CFAP20DC: variants seen among roughly 807,000 people sequenced by gnomAD.
CFAP20DC encodes the protein protein CFAP20DC.
CFAP20DC carries 84 observed loss-of-function variants against 101.7 expected under a neutral mutation model. The ratio of observed to expected loss-of-function variants is 0.83; its 90% confidence interval spans 0.69 to 0.99. The LOEUF is 0.99. CFAP20DC is among the 50% of genes least tolerant of loss of function. The pLI is 0.00. For missense variants in CFAP20DC, 1,007 were observed against 970.3 expected (o/e 1.04, Z -0.50); for synonymous variants, 359 against 351.2 (o/e 1.02, Z -0.25).
At chr3:58,753,116 T>G (rs2068691473) in intron 16 of CFAP20DC, among the ~76,000 whole-genome samples, 1 of 152,208 alleles carries the variant, frequency 6.6e-6, no homozygotes, top group Non-Finnish European at 1.5e-5. Flanking sequence ...AACCAGAAAC[T>G]AATGGTTCAT....
At position 58,811,147 on chromosome 3, in the gene CFAP20DC, G is replaced by T. The variant is rs567204425; in HGVS notation, c.2176-4691C>A. ...ATACTGCCCAAGGTAATTTATAGAT[G>T]CAATGCCATCCCCATCAAGCTACCA... is the stretch of plus-strand genomic sequence containing the variant. On this transcript the variant is annotated intron_variant, in intron 14 of 16. Transcript: ENST00000482387. 3.4e-4 allele frequency among the ~76,000 whole-genome samples: 51 copies of T among 152,038 alleles called. No individual in the cohort carries two copies. The East Asian group carries it at 4.1e-3, about 12-fold the overall frequency.
chr3:59,029,527 C>T (rs1256534477), intron 4 of CFAP20DC, among the ~76,000 whole-genome samples: 1 of 151,982 alleles, frequency 6.6e-6, no homozygotes, highest in Non-Finnish European at 1.5e-5. Flanking sequence ...AGAGACTTCA[C>T]CTGGTGCGTG....
intron 14 of CFAP20DC, among the ~76,000 whole-genome samples, chr3:58,820,910 T>C (rs2075586165): frequency 6.6e-6 from 1 of 150,376 alleles, no homozygotes; most frequent in African/African-American, 2.5e-5. Context: ...AAGGCTACAG[T>C]AACCAAAACA....
chr3:59,026,388 A>G (rs937517083), intron 4 of CFAP20DC, among the ~76,000 whole-genome samples: 15 of 152,208 alleles, frequency 9.9e-5, no homozygotes, highest in Admixed American at 5.2e-4. Flanking sequence ...ATAACATAAT[A>G]ATTCTTTGCA....
intron 5 of CFAP20DC, among the ~76,000 whole-genome samples, chr3:58,930,728 T>C (rs2086526407): frequency 6.6e-6 from 1 of 152,214 alleles, no homozygotes; most frequent in African/African-American, 2.4e-5. Flanking sequence ...ATTACACTGG[T>C]TTTCCACTTA....
intron 4 of CFAP20DC, among the ~76,000 whole-genome samples, chr3:59,019,799 T>A (rs1048220455): frequency 6.6e-6 from 1 of 152,082 alleles, no homozygotes; most frequent in African/African-American, 2.4e-5. Context: ...CAAAGGGTAG[T>A]TTGGGGATAG....
rs1404790300 is a variant in CFAP20DC at position 59,001,315 on chromosome 3, A to G, written c.278+38242T>C. ...CTATAGGACTGTATAGATCACCAAGAAGGCATACCACTAGAGGAAAGGGGG... is the reference window on the plus strand; with the variant it reads ...CTATAGGACTGTATAGATCACCAAGGAGGCATACCACTAGAGGAAAGGGGG... On this transcript the variant is annotated intron_variant, in intron 4 of 16. Coordinates refer to ENST00000482387, the MANE Select transcript of CFAP20DC (RefSeq NM_001394063.1). The surrounding 1 kb of genome is among the most constrained non-coding windows in gnomAD (Gnocchi z 4.5). Among the ~76,000 whole-genome samples the G allele has an allele frequency of 7.2e-5, 11 of 152,140 alleles. No individual in the cohort carries two copies. The highest frequency in any genetic ancestry group is 7.2e-4 in the Admixed American group (11 of 15,280).
chr3:58,836,115 T>G (rs978025533), intron 13 of CFAP20DC, among the ~76,000 whole-genome samples: 2 of 152,094 alleles, frequency 1.3e-5, no homozygotes, highest in African/African-American at 4.8e-5. Flanking sequence ...TTCACTGATC[T>G]TTCTCCAGAC....
intron 4 of CFAP20DC, among the ~76,000 whole-genome samples, chr3:58,983,962 C>G (rs1194800054): frequency 6.6e-6 from 1 of 152,188 alleles, no homozygotes; most frequent in African/African-American, 2.4e-5. Context: ...ACCCTTGACC[C>G]AGAAATTCTA....
chr3:58,804,368 T>C (rs1220468518), intron 15 of CFAP20DC, among the ~76,000 whole-genome samples: 1 of 151,312 alleles, frequency 6.6e-6, no homozygotes, highest in African/African-American at 2.4e-5. Context: ...TTAGTTCTTT[T>C]TTTTTTTTTT....
chr3:58,811,858 A>T (rs1559627370), intron 14 of CFAP20DC, among the ~76,000 whole-genome samples: 2 of 152,114 alleles, frequency 1.3e-5, no homozygotes, highest in African/African-American at 4.8e-5. Flanking sequence ...CAAATTTACA[A>T]GAAAAAAAGA....
intron 6 of CFAP20DC, among the ~76,000 whole-genome samples, chr3:58,891,100 C>A (rs1412572551): frequency 2.0e-5 from 3 of 150,386 alleles, no homozygotes; most frequent in Non-Finnish European, 4.4e-5. Flanking sequence ...TTGTAGTGAG[C>A]CGAGATCACG....
chr3:58,999,070 G>T (rs905773174), intron 4 of CFAP20DC, among the ~76,000 whole-genome samples: 27 of 152,306 alleles, frequency 1.8e-4, no homozygotes, highest in African/African-American at 6.3e-4. Context: ...ACATGAGAGG[G>T]AGATCCAGTG....
rs1273570046 is a variant in CFAP20DC, at chr3:58,795,146, T to C, written c.2237+11249A>G. ...ACTTCTATTTTTTTAAAGGTTCTCA[T>C]TACTCTTGAGGGGGAAGCTGAATCT... On this transcript the variant is annotated intron_variant, in intron 15 of 16. Transcript: ENST00000482387. The surrounding 1 kb of genome is among the most constrained non-coding windows in gnomAD (Gnocchi z 4.2). 6.6e-6 allele frequency among the ~76,000 whole-genome samples: 1 copy of C among 152,198 alleles called. No individual in the cohort carries two copies. The highest frequency in any genetic ancestry group is 2.4e-5 in the African/African-American group (1 of 41,448).
At chr3:58,927,716 G>A (rs1332286021) in intron 5 of CFAP20DC, among the ~76,000 whole-genome samples, 1 of 152,162 alleles carries the variant, frequency 6.6e-6, no homozygotes, top group Non-Finnish European at 1.5e-5. Flanking sequence ...AGTGAAGAGT[G>A]CTTTGGCAAA....
chr3:58,926,314 C>T (rs1484626217), intron 5 of CFAP20DC, among the ~76,000 whole-genome samples: 2 of 150,620 alleles, frequency 1.3e-5, no homozygotes, highest in Non-Finnish European at 1.5e-5. Flanking sequence ...TGCAGTGAGC[C>T]GAGATCATGC....
chr3:58,815,386 A>T (rs2075033926), intron 14 of CFAP20DC, among the ~76,000 whole-genome samples: 2 of 147,706 alleles, frequency 1.4e-5, no homozygotes, highest in Admixed American at 1.3e-4. Flanking sequence ...TAAACGTTAG[A>T]CCTAAAACCA....
At chr3:58,765,255 T>C (rs2070163903) in intron 15 of CFAP20DC, among the ~76,000 whole-genome samples, 1 of 152,032 alleles carries the variant, frequency 6.6e-6, no homozygotes. Context: ...AAGTATACTG[T>C]ATGTGTATAC....
intron 14 of CFAP20DC, among the ~76,000 whole-genome samples, chr3:58,811,225 A>C (rs1236264580): frequency 6.6e-6 from 1 of 152,190 alleles, no homozygotes; most frequent in Admixed American, 6.6e-5. Context: ...ATACGGAACC[A>C]AAAAAGAGCC....
Sources: gnomAD v4.1 joint callset for allele counts (sites outside exome capture counted in the v4.1 genomes callset) on GRCh38, gnomAD v4.1.1 for gene constraint, Gnocchi (gnomAD v3.1) non-coding constraint, MANE v1.5 for transcripts, NCBI Gene and HGNC (gene_info 2026-07-23, HGNC 2026-07-21) for gene names.